The following NCOA2 variants were observed in gnomAD, a reference collection of about 807,000 sequenced individuals.
The protein encoded by NCOA2 is class E basic helix-loop-helix protein 75.
A neutral mutation model predicts 145.1 loss-of-function variants in NCOA2; 21 were observed. The ratio of observed to expected loss-of-function variants is 0.14; its 90% CI spans 0.10 to 0.21. NCOA2 has a LOEUF of 0.21. NCOA2 is among the 10% of genes least tolerant of loss of function. The pLI, the probability that NCOA2 is intolerant of heterozygous loss-of-function variation, is 1.00. For missense variants in NCOA2, 1,472 were observed against 1,837.6 expected (o/e 0.80, Z 3.64); for synonymous variants, 619 against 637.5 (o/e 0.97, Z 0.44).
At chr8:70,372,372 C>T (rs186920412) in intron 1 of NCOA2, among the ~76,000 whole-genome samples, 1 of 152,168 alleles carries the variant, frequency 6.6e-6, no homozygotes, top group East Asian at 1.9e-4. Context: ...TTAACATGTT[C>T]AGAAGTGCTG....
chr8:70,125,259 C>T (rs1035481388), intron 19 of NCOA2, among the ~76,000 whole-genome samples: 1 of 151,718 alleles, frequency 6.6e-6, no homozygotes, highest in Non-Finnish European at 1.5e-5. Flanking sequence ...TTAAATTAAG[C>T]TTATTATTAT....
intron 1 of NCOA2, among the ~76,000 whole-genome samples, chr8:70,395,950 G>A (rs1813627026): frequency 6.6e-6 from 1 of 152,216 alleles, no homozygotes; most frequent in Non-Finnish European, 1.5e-5. Context: ...AATGCATGCT[G>A]ATCCTATATG....
chr8:70,337,172 C>T (rs868272733), intron 1 of NCOA2, among the ~76,000 whole-genome samples: 1 of 151,792 alleles, frequency 6.6e-6, no homozygotes, highest in African/African-American at 2.4e-5. Flanking sequence ...TTTGTACACA[C>T]AATTTAGCCT....
At chr8:70,292,526 G>A (rs1671317239) in intron 2 of NCOA2, among the ~76,000 whole-genome samples, 1 of 148,736 alleles carries the variant, frequency 6.7e-6, no homozygotes, top group Non-Finnish European at 1.5e-5. Context: ...ACTCCAGCCT[G>A]GGCAACAAAG....
chr8:70,259,075 G>A (rs927315480), intron 2 of NCOA2, among the ~76,000 whole-genome samples: 4 of 152,126 alleles, frequency 2.6e-5, no homozygotes, highest in African/African-American at 4.8e-5. Flanking sequence ...CACTGCTCAT[G>A]CTTTCCATCC....
chr8:70,430,541 T>C, the NCOA2 span, among the ~76,000 whole-genome samples: 1 of 152,232 alleles, frequency 6.6e-6, no homozygotes, highest in Non-Finnish European at 1.5e-5. Flanking sequence ...TCTTCTGCCT[T>C]GTGGCAGTTC....
intron 2 of NCOA2, among the ~76,000 whole-genome samples, chr8:70,275,798 A>C (rs189375001): frequency 7.7e-4 from 118 of 152,336 alleles, no homozygotes; most frequent in African/African-American, 2.7e-3. Flanking sequence ...CAACAGTAGA[A>C]TATGTGTTAA....
At position 70,170,326 on chromosome 8, in the gene NCOA2, C is replaced by A; in HGVS notation, c.417G>T (p.Val139=). ...TTAGATACTGTGTCACATTCTCTGA[C>A]ACAAACACAACGTTGCCTTCCAGGT... ...VVNLEGNVVF[V]SENVTQYLRY... is the part of the protein sequence containing the mutation. The change falls in exon 6 of 23, where the codon GTG becomes GTT. Residue 139 remains valine, a synonymous_variant. Transcript: ENST00000452400. 1 of 1,606,220 alleles carries A rather than the reference C, an allele frequency of 6.2e-7. No homozygotes were observed. Among genetic ancestry groups the A allele is most frequent in the Non-Finnish European group, 8.5e-7 (1 of 1,176,172 alleles).
intron 1 of NCOA2, among the ~76,000 whole-genome samples, chr8:70,363,090 A>AAAAAAC (rs1490630661): frequency 6.7e-6 from 1 of 149,990 alleles, no homozygotes; most frequent in Non-Finnish European, 1.5e-5. Context: ...AAAAAAAAAA[A>AAAAAAC]AAAAAAAAAA....
intron 1 of NCOA2, among the ~76,000 whole-genome samples, chr8:70,308,891 G>A (rs1240071575): frequency 1.3e-5 from 2 of 152,184 alleles, no homozygotes; most frequent in Admixed American, 1.3e-4. Flanking sequence ...TAAACTCTTT[G>A]CTGCTACTCT....
At chr8:70,304,217 T>C (rs574699351) in intron 1 of NCOA2, among the ~76,000 whole-genome samples, 1 of 152,220 alleles carries the variant, frequency 6.6e-6, no homozygotes, top group Non-Finnish European at 1.5e-5. Flanking sequence ...TCCTGTAATA[T>C]TATAATACCA....
chr8:70,132,128 C>A, intron 15 of NCOA2, 126 bp from the exon 16 acceptor site: 1 of 910,526 alleles, frequency 1.1e-6, no homozygotes, highest in Non-Finnish European at 1.6e-6. Flanking sequence ...ACTGTACCAA[C>A]TCAACACAGA....
the NCOA2 span, among the ~76,000 whole-genome samples, chr8:70,430,770 A>G: frequency 6.6e-6 from 1 of 151,912 alleles, no homozygotes; most frequent in Admixed American, 6.6e-5. Flanking sequence ...ATCAGAAGGA[A>G]CTCTCACCTG....
intron 8 of NCOA2, 23 bp from the exon 9 acceptor site, chr8:70,162,877 A>G (rs1443305825): frequency 3.2e-6 from 5 of 1,556,620 alleles, no homozygotes; most frequent in Admixed American, 1.8e-5. Flanking sequence ...AGCAGGCATT[A>G]TACCTACATG....
chr8:70,137,540 T>C (rs974083951), intron 15 of NCOA2, among the ~76,000 whole-genome samples: 1 of 152,244 alleles, frequency 6.6e-6, no homozygotes, highest in African/African-American at 2.4e-5. Context: ...ACATATCAAA[T>C]AAACGTATCT....
At chr8:70,264,997 G>T (rs1388313796) in intron 2 of NCOA2, among the ~76,000 whole-genome samples, 6 of 151,948 alleles carry the variant, frequency 3.9e-5, no homozygotes, top group Non-Finnish European at 8.8e-5. Context: ...ATAAATTCTG[G>T]ATAGCACTTA....
At chr8:70,253,733 G>A (rs1000405616) in intron 2 of NCOA2, among the ~76,000 whole-genome samples, 16 of 151,998 alleles carry the variant, frequency 1.1e-4, no homozygotes, top group African/African-American at 2.4e-4. Context: ...CTTACCTTAC[G>A]CATACAAAAA....
At chr8:70,181,240 CACT>C (rs1321436654) in intron 4 of NCOA2, among the ~76,000 whole-genome samples, 1 of 152,180 alleles carries the variant, frequency 6.6e-6, no homozygotes, top group Non-Finnish European at 1.5e-5. Context: ...CAGTGGCAAC[CACT>C]ACTGATTACT....
intron 1 of NCOA2, among the ~76,000 whole-genome samples, chr8:70,334,818 T>C (rs934371764): frequency 6.6e-6 from 1 of 152,124 alleles, no homozygotes; most frequent in African/African-American, 2.4e-5. Flanking sequence ...ATATTCATTT[T>C]GCTCTGGTCA....
Sources: gnomAD v4.1 joint callset for allele counts (sites outside exome capture counted in the v4.1 genomes callset) on GRCh38, gnomAD v4.1.1 for gene constraint, MANE v1.5 for transcripts, NCBI Gene and HGNC (gene_info 2026-07-23, HGNC 2026-07-21) for gene names.